MCTP2: variants seen among roughly 807,000 people sequenced by gnomAD.
MCTP2 encodes multiple C2 and transmembrane domain-containing protein 2.
MCTP2 carries 132 observed loss-of-function variants against 111.6 expected under a neutral mutation model. The ratio of observed to expected loss-of-function variants is 1.18; its 90% CI spans 1.03 to 1.37. The LOEUF is 1.37. MCTP2 is among the 40% of genes most tolerant of loss of function. The pLI is 0.00. For missense variants in MCTP2, 1,183 were observed against 1,067.9 expected (o/e 1.11, Z -1.50); for synonymous variants, 395 against 387.7 (o/e 1.02, Z -0.22).
chr15:94,364,713 G>T (rs1400800736), intron 10 of MCTP2, among the ~76,000 whole-genome samples: 2 of 152,210 alleles, frequency 1.3e-5, no homozygotes, highest in South Asian at 2.1e-4. Context: ...AGGGAAAAAA[G>T]CCTTTCTTGT....
intron 1 of MCTP2, among the ~76,000 whole-genome samples, chr15:94,277,571 A>G (rs752567004): frequency 1.3e-5 from 2 of 152,176 alleles, no homozygotes; most frequent in African/African-American, 2.4e-5. Flanking sequence ...TTAGTCTGAA[A>G]AGGCTATGTA....
chr15:94,283,151 A>G (rs1048703173), intron 1 of MCTP2, among the ~76,000 whole-genome samples: 2 of 152,098 alleles, frequency 1.3e-5, no homozygotes, highest in South Asian at 4.1e-4. Flanking sequence ...TGAAAAACCT[A>G]TGGCAGTGGC....
intron 1 of MCTP2, among the ~76,000 whole-genome samples, chr15:94,264,947 C>G (rs896354436): frequency 1.3e-5 from 2 of 152,112 alleles, no homozygotes; most frequent in East Asian, 3.8e-4. Context: ...TTCTCACTAT[C>G]TTTTAAATAA....
chr15:94,410,508 C>A (rs887831871), intron 17 of MCTP2, among the ~76,000 whole-genome samples: 1 of 151,788 alleles, frequency 6.6e-6, no homozygotes, highest in East Asian at 1.9e-4. Context: ...GAGTTTGAGT[C>A]CAGCCTGGGC....
At chr15:94,378,248 G>A (rs987765862) in intron 12 of MCTP2, among the ~76,000 whole-genome samples, 3 of 151,940 alleles carry the variant, frequency 2.0e-5, no homozygotes, top group Admixed American at 6.6e-5. Context: ...AGGGCCAAGC[G>A]CAGTGACTCG....
chr15:94,363,936 TA>T (rs1343534717), intron 10 of MCTP2, among the ~76,000 whole-genome samples: 2 of 152,174 alleles, frequency 1.3e-5, no homozygotes, highest in African/African-American at 4.8e-5. Context: ...GTGTTTTCCA[TA>T]TTGTTTCTAT....
intron 4 of MCTP2, among the ~76,000 whole-genome samples, chr15:94,328,170 C>G (rs1303948647): frequency 1.3e-5 from 2 of 150,990 alleles, no homozygotes; most frequent in Non-Finnish European, 2.9e-5. Flanking sequence ...GCTCTGTCAC[C>G]CAGGCTGGAG....
intron 20 of MCTP2, among the ~76,000 whole-genome samples, chr15:94,460,194 A>G (rs1253577124): frequency 6.6e-6 from 1 of 152,228 alleles, no homozygotes; most frequent in Non-Finnish European, 1.5e-5. Flanking sequence ...TGATCAGCCC[A>G]GGAAGAGATG....
chr15:94,267,322 T>C (rs1368330440), intron 1 of MCTP2, among the ~76,000 whole-genome samples: 1 of 152,246 alleles, frequency 6.6e-6, no homozygotes, highest in Non-Finnish European at 1.5e-5. Context: ...TACGTTTGCT[T>C]TTTATGTACG....
intron 1 of MCTP2, among the ~76,000 whole-genome samples, chr15:94,234,540 G>A (rs1305007374): frequency 1.3e-5 from 2 of 152,188 alleles, no homozygotes; most frequent in Non-Finnish European, 2.9e-5. Context: ...AAGAGTGAGA[G>A]GGAAAGTTGT....
In MCTP2 at chr15:94,356,310, C is replaced by T. The variant is rs746652548; in HGVS notation, c.1170+9C>T. The T allele has an allele frequency of 7.0e-6, 11 of 1,566,842 alleles. 1 individual carries two copies. The highest frequency in any genetic ancestry group is 7.0e-5 in the East Asian group (3 of 43,044). On this transcript the variant is annotated intron_variant, in intron 9 of 22. Transcript: ENST00000357742. ...AGAGGTATAAAAGTAAGGTAAGTTC[C>T]ATCTTTTCCATAAGGAGAACAGTAT...
chr15:94,285,294 A>G (rs1596269219), intron 1 of MCTP2, among the ~76,000 whole-genome samples: 1 of 152,070 alleles, frequency 6.6e-6, no homozygotes, highest in East Asian at 1.9e-4. Context: ...TCTACCTAAC[A>G]TGTGCTCAAA....
chr15:94,306,726 C>G (rs539317122), intron 2 of MCTP2, among the ~76,000 whole-genome samples: 4 of 152,300 alleles, frequency 2.6e-5, no homozygotes, highest in African/African-American at 9.6e-5. Flanking sequence ...ATGTCCTTCC[C>G]TGACATTTCA....
intron 17 of MCTP2, among the ~76,000 whole-genome samples, chr15:94,412,418 G>A (rs899030671): frequency 5.3e-5 from 8 of 151,888 alleles, no homozygotes; most frequent in African/African-American, 1.2e-4. Context: ...TTGCTACCTC[G>A]TGCTCACTTG....
chr15:94,244,266 A>T (rs566711916), intron 1 of MCTP2, among the ~76,000 whole-genome samples: 1 of 145,324 alleles, frequency 6.9e-6, no homozygotes, highest in Non-Finnish European at 1.5e-5. Flanking sequence ...GTATATATTT[A>T]TATACACACA....
chr15:94,335,378 C>G (rs2077313955), intron 4 of MCTP2, among the ~76,000 whole-genome samples: 1 of 152,164 alleles, frequency 6.6e-6, no homozygotes, highest in African/African-American at 2.4e-5. Flanking sequence ...GGATGTTAAC[C>G]TACAAAGCCG....
At chr15:94,449,779 ACC>A (rs1163364933) in intron 19 of MCTP2, among the ~76,000 whole-genome samples, 1 of 152,154 alleles carries the variant, frequency 6.6e-6, no homozygotes, top group Non-Finnish European at 1.5e-5. Flanking sequence ...TTTATCTTAT[ACC>A]CACTCCTTTA....
At chr15:94,478,857 T>C in intron 22 of MCTP2, 109 bp from the exon 23 acceptor site, 1 of 854,806 alleles carries the variant, frequency 1.2e-6, no homozygotes. Context: ...ATTCATTACC[T>C]TTGAACCTTC....
At chr15:94,394,451 A>C (rs1279451097) in intron 14 of MCTP2, among the ~76,000 whole-genome samples, 1 of 152,026 alleles carries the variant, frequency 6.6e-6, no homozygotes, top group African/African-American at 2.4e-5. Flanking sequence ...ACTTCATATG[A>C]GTGTTTGTTT....
Sources: allele counts gnomAD v4.1 joint callset (sites outside exome capture counted in the v4.1 genomes callset), GRCh38; gene constraint gnomAD v4.1.1; transcripts MANE v1.5; gene names NCBI Gene and HGNC (gene_info 2026-07-23, HGNC 2026-07-21).